The following EMC10 variants were observed in gnomAD, a reference collection of about 807,000 sequenced individuals.
The protein encoded by EMC10 is ER membrane protein complex subunit 10.
EMC10 carries 40 observed loss-of-function variants against 32.2 expected under a neutral mutation model. The ratio of observed to expected loss-of-function variants is 1.24; its 90% CI spans 0.96 to 1.61. The LOEUF is 1.61. EMC10 is among the 40% of genes most tolerant of loss of function. EMC10 has a pLI of 0.00. For synonymous variants in EMC10, 178 were observed against 158.4 expected, an observed-to-expected ratio of 1.12 and a Z score of -0.93; for missense variants, 402 against 357.7, an observed-to-expected ratio of 1.12 and a Z score of -1.00.
intron 6 of EMC10, chr19:50,481,880 G>T: frequency 1.3e-6 from 2 of 1,589,918 alleles, no homozygotes; most frequent in Non-Finnish European, 1.7e-6. Flanking sequence ...ATCCTGGGGG[G>T]GGCCGTGTTG....
rs755734700 is a variant in EMC10, at chr19:50,477,930, C to A, written c.116C>A (p.Ala39Asp). 1.3e-6 allele frequency: 2 copies of A among 1,597,764 alleles called. No individual in the cohort carries two copies. Among genetic ancestry groups the A allele is most frequent in the Admixed American group, 3.6e-5 (2 of 55,208 alleles). Residue 39 changes from alanine (A) to aspartate (D), a missense_variant and splice_region_variant, in exon 2 of 7, where the codon GCT (alanine) becomes GAT (aspartate). By Grantham distance (126) the Ala-to-Asp change is moderately radical (BLOSUM62 -2). Coordinates refer to ENST00000334976, the MANE Select transcript of EMC10 (RefSeq NM_206538.4). ...GCRAGTGARG[A>D]GAEGREGEAC... ...TGGGGCCTTCTGTGTCCTCTGCAGG[C>A]TGGGGCGGAAGGTCGAGAGGGCGAG...
At position 50,482,691 on chromosome 19, in the gene EMC10, G is replaced by T; in HGVS notation, c.*432G>T. ...GGCTGGGCTAGGTGGTCCTGTCCAG[G>T]CTCCTGCAGCGCCCCCCTCACTTTG... is the stretch of plus-strand genomic sequence containing the variant. On this transcript the variant is annotated 3_prime_UTR_variant, in exon 7 of 7. Coordinates refer to ENST00000334976, the MANE Select transcript of EMC10 (RefSeq NM_206538.4). 1 of 475,842 alleles carries T rather than the reference G, an allele frequency of 2.1e-6. No homozygotes were observed. Among genetic ancestry groups the T allele is most frequent in the Non-Finnish European group, 3.7e-6 (1 of 271,084 alleles). 29.5% of individuals were successfully genotyped at this position (475,842 alleles called of 1,614,324 possible).
chr19:50,477,530 A>G (rs2040247234), intron 1 of EMC10, among the ~76,000 whole-genome samples: 1 of 152,194 alleles, frequency 6.6e-6, no homozygotes. Context: ...GAATGTGCTT[A>G]ATAGGGACTG....
chr19:50,476,895 A>G (rs2040234344), intron 1 of EMC10: 1 of 360,932 alleles, frequency 2.8e-6, no homozygotes, highest in Non-Finnish European at 5.0e-6. Flanking sequence ...GCTCGGGAAT[A>G]TGTATGAGGG....
intron 2 of EMC10, 127 bp from the exon 3 acceptor site, chr19:50,478,830 A>C (rs556633007): frequency 1.0e-5 from 7 of 670,626 alleles, no homozygotes; most frequent in South Asian, 1.8e-5. Flanking sequence ...ATGGGGGCCC[A>C]GATGGGGAGG....
Position 50,482,930 on chromosome 19 carries a change from T to C in EMC10, c.*671T>C, listed in dbSNP as rs556611617. On this transcript the variant is annotated 3_prime_UTR_variant, in exon 7 of 7. Coordinates refer to ENST00000334976, the MANE Select transcript of EMC10 (RefSeq NM_206538.4). Reference sequence around the variant, plus strand: ...TAAGGTGACAGGCCCTCCACAGGCTTCCAGACTTGAAGGAAAAGGTTTAAG... The same window carrying C: ...TAAGGTGACAGGCCCTCCACAGGCTCCCAGACTTGAAGGAAAAGGTTTAAG... 163 of 567,526 alleles carry C rather than the reference T, an allele frequency of 2.9e-4. No homozygotes were observed. The African/African-American group carries it at 2.9e-3, about 10-fold the overall frequency. The allele number at this position is 567,526 out of a possible 1,614,324, so 35.2% of individuals were successfully genotyped here.
Position 50,483,464 on chromosome 19 carries a change from G to GA in EMC10, c.*1206dup, listed in dbSNP as rs1488742659. ...GGATGCATGACTAAAATGGAATTACGATGGCAGATCGGAAACGCGTTTATA... is the reference window on the plus strand; with the variant it reads ...GGATGCATGACTAAAATGGAATTACGAATGGCAGATCGGAAACGCGTTTATA... On this transcript the variant is annotated 3_prime_UTR_variant, in exon 7 of 7. Coordinates refer to ENST00000334976, the MANE Select transcript of EMC10 (RefSeq NM_206538.4). The GA allele has an allele frequency of 5.8e-6, 1 of 172,738 alleles. No homozygotes were observed. The highest frequency in any genetic ancestry group is 1.2e-5 in the Non-Finnish European group (1 of 80,684). 10.7% of individuals were successfully genotyped at this position (172,738 alleles called of 1,614,324 possible).
rs779330219 is a variant in EMC10, at chr19:50,476,597, C to T, written c.53C>T (p.Ala18Val). The change falls in exon 1 of 7, where the codon GCG (alanine) becomes GTG (valine). Residue 18 changes from alanine (A) to valine (V), a missense_variant. Coordinates refer to ENST00000334976, the MANE Select transcript of EMC10 (RefSeq NM_206538.4). ...ATRLLLLLLMAVAAPSRARGS... is the reference protein window; with the variant it reads ...ATRLLLLLLMVVAAPSRARGS... The stretch of plus-strand genomic sequence containing the variant: ...CGGCTGCTCCTGCTCTTGCTGATGG[C>T]GGTAGCAGCGCCCAGTCGAGCCCGG... 5.1e-6 allele frequency: 8 copies of T among 1,569,904 alleles called. No homozygotes were observed. The highest frequency in any genetic ancestry group is 6.9e-6 in the Non-Finnish European group (8 of 1,163,710).
Position 50,482,509 on chromosome 19 carries a change from G to T in EMC10, c.*250G>T, listed in dbSNP as rs1437116600. 7.1e-6 allele frequency: 4 copies of T among 566,216 alleles called. No individual in the cohort carries two copies. The highest frequency in any genetic ancestry group is 6.2e-6 in the Non-Finnish European group (2 of 321,338). The allele number at this position is 566,216 out of a possible 1,614,324, so 35.1% of individuals were successfully genotyped here. On this transcript the variant is annotated 3_prime_UTR_variant, in exon 7 of 7. Coordinates refer to ENST00000334976, the MANE Select transcript of EMC10 (RefSeq NM_206538.4). Reference sequence around the variant, plus strand: ...CCCATGGCCCCATGCAGCCCCAGGGGCTTCCCCCCTGCCCATGGAGTAGAG... The same window carrying T: ...CCCATGGCCCCATGCAGCCCCAGGGTCTTCCCCCCTGCCCATGGAGTAGAG...
At chr19:50,476,943 G>C (rs568335591) in intron 1 of EMC10, 1 of 341,154 alleles carries the variant, frequency 2.9e-6, no homozygotes, top group Non-Finnish European at 5.3e-6. Flanking sequence ...AGAATCCGAC[G>C]TCCGGGCGGT....
chr19:50,477,216 A>C (rs1305485877), intron 1 of EMC10: 10 of 152,448 alleles, frequency 6.6e-5, no homozygotes, highest in African/African-American at 2.4e-4. Flanking sequence ...CAGCCTGCTC[A>C]AAATGGTGAA....
intron 2 of EMC10, 120 bp downstream of exon 2, chr19:50,478,121 G>T (rs2040259421): frequency 1.2e-6 from 1 of 844,864 alleles, no homozygotes; most frequent in East Asian, 2.9e-5. Flanking sequence ...TAACAGATTT[G>T]CCTCAGGTTA....
chr19:50,480,006 G>A lies in EMC10; in HGVS notation c.298-105G>A. On this transcript the variant is annotated intron_variant, in intron 3 of 6. Transcript: ENST00000334976. This position sits in a 1 kb window ranked among gnomAD's most constrained non-coding sequence, Gnocchi z 4.4. ...TGGCCTGGGGAGTGTGGGCCGTGAG[G>A]TGGGTGGGGCTGGAGAGGGGCCTTC... The A allele has an allele frequency of 2.3e-6, 2 of 884,238 alleles. No individual in the cohort carries two copies. The highest frequency in any genetic ancestry group is 3.4e-6 in the Non-Finnish European group (2 of 580,706). The allele number at this position is 884,238 out of a possible 1,614,324, so 54.8% of individuals were successfully genotyped here. A position where few individuals can be genotyped will look rare whatever the true frequency, so the allele number is the denominator to read the frequency against.
intron 1 of EMC10, 97 bp from the exon 2 acceptor site, chr19:50,477,832 C>A: frequency 1.1e-6 from 1 of 884,874 alleles, no homozygotes; most frequent in Non-Finnish European, 1.7e-6. Context: ...AAGGCTCCTC[C>A]CTCAGCCCAC....
chr19:50,476,522 TTCGCTGG>T lies in EMC10; in HGVS notation c.-21_-15del. 6.4e-7 allele frequency: 1 copy of T among 1,569,392 alleles called. No individual in the cohort carries two copies. The highest frequency in any genetic ancestry group is 8.6e-7 in the Non-Finnish European group (1 of 1,163,218). On this transcript the variant is annotated 5_prime_UTR_variant, in exon 1 of 7. Transcript: ENST00000334976. ...GCGGCTCTTGGCTCACAGCCGTCCC[TTCGCTGG>T]TGGGAAGAAGCCGAGATGGCGGCAG...
intron 6 of EMC10, 90 bp downstream of exon 6, chr19:50,481,067 T>G: frequency 1.0e-6 from 1 of 998,336 alleles, no homozygotes; most frequent in Non-Finnish European, 1.5e-6. Flanking sequence ...GACTCCCCTA[T>G]GGTGCTCGGG....
chr19:50,478,014 A>G lies in EMC10; in HGVS notation c.187+13A>G, dbSNP rs755465892. The G allele has an allele frequency of 1.6e-5, 25 of 1,600,324 alleles. No individual in the cohort carries two copies. The highest frequency in any genetic ancestry group is 2.1e-5 in the Non-Finnish European group (25 of 1,174,680). On this transcript the variant is annotated intron_variant, in intron 2 of 6. Transcript: ENST00000334976. ...TCATTTGAGATCGGTGAGTCAGGCAACGTCCTCTCCTAGACACTTAACATT... is the reference window on the plus strand; with the variant it reads ...TCATTTGAGATCGGTGAGTCAGGCAGCGTCCTCTCCTAGACACTTAACATT...
At chr19:50,479,526 G>A (rs2040284552) in intron 3 of EMC10, among the ~76,000 whole-genome samples, 1 of 152,184 alleles carries the variant, frequency 6.6e-6, no homozygotes, top group African/African-American at 2.4e-5. Flanking sequence ...GAGGCCCCAG[G>A]GCTCCAGGCA....
In EMC10 at chr19:50,485,291, G is replaced by A. The variant is rs542596866; in HGVS notation, c.*3032G>A. On this transcript the variant is annotated 3_prime_UTR_variant, in exon 7 of 7. Transcript: ENST00000334976. ...GTGTCTGCCCCATCCCTTCACCCTGGAGGTTCCAGACAGCCCCTCTTCACC... is the reference window on the plus strand; with the variant it reads ...GTGTCTGCCCCATCCCTTCACCCTGAAGGTTCCAGACAGCCCCTCTTCACC... 6.6e-6 allele frequency: 1 copy of A among 152,220 alleles called. No individual in the cohort carries two copies. The highest frequency in any genetic ancestry group is 1.9e-4 in the East Asian group (1 of 5,174). The allele number at this position is 152,220 out of a possible 1,614,324, so 9.4% of individuals were successfully genotyped here. A position where few individuals can be genotyped will look rare whatever the true frequency, so the allele number is the denominator to read the frequency against.
Sources: allele counts gnomAD v4.1 joint callset (sites outside exome capture counted in the v4.1 genomes callset), GRCh38; gene constraint gnomAD v4.1.1; non-coding constraint Gnocchi (gnomAD v3.1); transcripts MANE v1.5; gene names NCBI Gene and HGNC (gene_info 2026-07-23, HGNC 2026-07-21).